The following FER variants were observed in gnomAD, a reference collection of about 807,000 sequenced individuals.
FER encodes FER tyrosine kinase, also known as tyrosine-protein kinase Fer.
In FER, 63 loss-of-function variants were observed where a neutral mutation model predicts 111.0. The ratio of observed to expected loss-of-function variants is 0.57; its 90% CI spans 0.46 to 0.70. The LOEUF (loss-of-function observed/expected upper bound fraction) is 0.70. Ranked by LOEUF, FER falls within the 30% of genes least tolerant of loss-of-function variation. The pLI, the probability that FER is intolerant of heterozygous loss-of-function variation, is 0.00. For synonymous variants in FER, 327 were observed against 313.9 expected (o/e 1.04, Z -0.44); for missense variants, 914 against 954.0 (o/e 0.96, Z 0.55).
intron 1 of FER, among the ~76,000 whole-genome samples, chr5:108,751,157 A>G (rs1209408311): frequency 6.6e-6 from 1 of 152,068 alleles, no homozygotes; most frequent in South Asian, 2.1e-4. Context: ...ACACCATTGC[A>G]CTCCAGCCTA....
At chr5:109,014,640 G>A (rs1766787808) in intron 13 of FER, among the ~76,000 whole-genome samples, 1 of 152,094 alleles carries the variant, frequency 6.6e-6, no homozygotes, top group Non-Finnish European at 1.5e-5. Context: ...TAGCTTGATG[G>A]GGATGGCATT....
intron 16 of FER, among the ~76,000 whole-genome samples, chr5:109,053,119 G>A (rs866445676): frequency 6.6e-6 from 1 of 152,046 alleles, no homozygotes; most frequent in Non-Finnish European, 1.5e-5. Flanking sequence ...GGGAACAGTG[G>A]CTCACGCCTG....
chr5:108,912,902 G>C (rs1751755002), intron 10 of FER, among the ~76,000 whole-genome samples: 1 of 152,152 alleles, frequency 6.6e-6, no homozygotes, highest in Non-Finnish European at 1.5e-5. Flanking sequence ...TAAGTTCCAA[G>C]TTAAAAATGG....
chr5:108,948,622 A>G (rs1269817165), intron 11 of FER, among the ~76,000 whole-genome samples: 1 of 152,114 alleles, frequency 6.6e-6, no homozygotes, highest in Non-Finnish European at 1.5e-5. Context: ...CCTACTGGCA[A>G]TCATGAGGGT....
chr5:109,128,599 A>G (rs1158254158), intron 17 of FER, among the ~76,000 whole-genome samples: 1 of 152,158 alleles, frequency 6.6e-6, no homozygotes, highest in African/African-American at 2.4e-5. Context: ...TTTAAGCCCC[A>G]GTGTAGCAAT....
chr5:108,950,772 A>G (rs888661901), intron 11 of FER, among the ~76,000 whole-genome samples: 1 of 152,156 alleles, frequency 6.6e-6, no homozygotes, highest in Non-Finnish European at 1.5e-5. Context: ...ATGTTCAACT[A>G]TCAAACTAGA....
intron 10 of FER, among the ~76,000 whole-genome samples, chr5:108,944,569 A>T (rs557346315): frequency 6.6e-6 from 1 of 152,188 alleles, no homozygotes; most frequent in South Asian, 2.1e-4. Context: ...TGATTGTTTG[A>T]TGTAAAAATC....
chr5:108,919,328 A>G (rs1229374515), intron 10 of FER, among the ~76,000 whole-genome samples: 2 of 151,730 alleles, frequency 1.3e-5, no homozygotes, highest in African/African-American at 4.8e-5. Flanking sequence ...TATAGGTTTT[A>G]GAGATGAGTA....
chr5:108,929,174 G>A (rs958930156), intron 10 of FER, among the ~76,000 whole-genome samples: 2 of 152,016 alleles, frequency 1.3e-5, no homozygotes, highest in Non-Finnish European at 2.9e-5. Context: ...TGTCATAAAG[G>A]TATATATCCT....
intron 17 of FER, among the ~76,000 whole-genome samples, chr5:109,130,872 A>T (rs1752281328): frequency 6.6e-6 from 1 of 152,130 alleles, no homozygotes; most frequent in Admixed American, 6.6e-5. Context: ...CAGTGCCTGG[A>T]ATTTAATAAA....
intron 9 of FER, among the ~76,000 whole-genome samples, chr5:108,887,761 C>T (rs999306406): frequency 6.6e-5 from 10 of 151,574 alleles, no homozygotes; most frequent in African/African-American, 2.4e-4. Flanking sequence ...TCTCTTTATT[C>T]AAATGGAAAT....
At chr5:108,982,836 CT>C (rs201372038) in intron 13 of FER, among the ~76,000 whole-genome samples, 3 of 151,748 alleles carry the variant, frequency 2.0e-5, no homozygotes, top group South Asian at 2.1e-4. Flanking sequence ...ACATTTTTCT[CT>C]TTTTTTTGTA....
intron 13 of FER, among the ~76,000 whole-genome samples, chr5:108,974,326 G>A (rs934993029): frequency 6.6e-6 from 1 of 152,164 alleles, no homozygotes; most frequent in African/African-American, 2.4e-5. Context: ...AGGACAAAAG[G>A]TGGGCTGAGT....
At chr5:109,052,079 A>G (rs1772920138) in intron 16 of FER, 17 of 1,603,746 alleles carry the variant, frequency 1.1e-5, no homozygotes, top group Non-Finnish European at 1.4e-5. Context: ...ATCTGCTTCA[A>G]GTGCATCTCC....
chr5:108,854,686 A>G (rs960598457), intron 5 of FER, among the ~76,000 whole-genome samples: 3 of 152,194 alleles, frequency 2.0e-5, no homozygotes, highest in Admixed American at 6.5e-5. Context: ...CTGTAATCCC[A>G]GCATTTTGGG....
At chr5:108,951,335 C>A (rs1047222607) in intron 11 of FER, among the ~76,000 whole-genome samples, 1 of 152,102 alleles carries the variant, frequency 6.6e-6, no homozygotes, top group African/African-American at 2.4e-5. Context: ...TCTTGAACTC[C>A]TGACTTAAGC....
intron 3 of FER, among the ~76,000 whole-genome samples, chr5:108,822,646 C>G (rs974924476): frequency 2.0e-4 from 30 of 151,988 alleles, no homozygotes; most frequent in African/African-American, 7.3e-4. Flanking sequence ...CCCTCATGAC[C>G]CAAACACCTT....
At chr5:109,167,131 A>G (rs183963936) in intron 17 of FER, among the ~76,000 whole-genome samples, 1 of 152,322 alleles carries the variant, frequency 6.6e-6, no homozygotes, top group Admixed American at 6.5e-5. Flanking sequence ...GAATTAGTTT[A>G]TCTATATCTG....
chr5:108,933,680 TA>T (rs1004321788), intron 10 of FER, among the ~76,000 whole-genome samples: 10 of 152,238 alleles, frequency 6.6e-5, no homozygotes, highest in Non-Finnish European at 1.2e-4. Flanking sequence ...ACTGAATCTA[TA>T]AACTACTTTG....
Sources: gnomAD v4.1 joint callset for allele counts (sites outside exome capture counted in the v4.1 genomes callset) on GRCh38, gnomAD v4.1.1 for gene constraint, MANE v1.5 for transcripts, NCBI Gene and HGNC (gene_info 2026-07-23, HGNC 2026-07-21) for gene names.